Variants in CCDC122 observed in about 807,000 individuals in gnomAD.
CCDC122 encodes coiled-coil domain-containing protein 122.
Under a neutral mutation model 37.0 loss-of-function variants are expected in CCDC122, and 38 were observed. The ratio of observed to expected loss-of-function variants is 1.03; its 90% confidence interval spans 0.79 to 1.35. CCDC122 has a LOEUF of 1.35. Ranked by LOEUF, CCDC122 falls within the 40% of genes most tolerant of loss-of-function variation. The probability of loss-of-function intolerance (pLI) is 0.00; values close to 1 mark genes in which losing one functional copy is unlikely to be tolerated. For synonymous variants in CCDC122, 83 were observed against 95.6 expected (o/e 0.87, Z 0.77); for missense variants, 305 against 310.0 (o/e 0.98, Z 0.12).
At chr13:43,860,695 T>C (rs189637010) in intron 4 of CCDC122, among the ~76,000 whole-genome samples, 1 of 152,300 alleles carries the variant, frequency 6.6e-6, no homozygotes, top group East Asian at 1.9e-4. Flanking sequence ...CCTTCAAATA[T>C]AGGTCTTCTG....
At position 43,866,171 on chromosome 13, in the gene CCDC122, C is replaced by A. The variant is rs1954270887; in HGVS notation, c.156+2523G>T. Among the ~76,000 whole-genome samples, 2 of 152,176 alleles carry A rather than the reference C, an allele frequency of 1.3e-5. 1 individual carries two copies. The highest frequency in any genetic ancestry group is 4.1e-4 in the South Asian group (2 of 4,828). On this transcript the variant is annotated intron_variant, in intron 4 of 6. Transcript: ENST00000444614. ...AGAATGACTTGCAATTTTAAATTTA[C>A]AAATTGTTTATTTCTGTAATCTTCC...
downstream of CCDC122, among the ~76,000 whole-genome samples, chr13:43,820,442 G>C (rs548888848): frequency 6.6e-6 from 1 of 152,240 alleles, no homozygotes; most frequent in Non-Finnish European, 1.5e-5. Context: ...ACAAAAACTT[G>C]GGGTTTTGCC....
intron 1 of CCDC122, among the ~76,000 whole-genome samples, chr13:43,878,933 C>CA (rs1157301990): frequency 6.6e-6 from 1 of 151,982 alleles, no homozygotes. Flanking sequence ...AAATGAACAA[C>CA]AAAAAAACAC....
chr13:43,837,216 C>T lies in CCDC122; in HGVS notation c.*64G>A, dbSNP rs1326598106. ...TGTTATTAAGAATCCAAAAGATTTT[C>T]TTAATGTTCTGTCCAGTAATTTTTG... is the stretch of plus-strand genomic sequence containing the variant. On this transcript the variant is annotated 3_prime_UTR_variant, in exon 7 of 7. Transcript: ENST00000444614. 3.4e-6 allele frequency: 5 copies of T among 1,473,028 alleles called. No homozygotes were observed. In the African/African-American group the frequency reaches 4.3e-5, roughly 13 times the overall value. 91.2% of individuals were successfully genotyped at this position (1,473,028 alleles called of 1,614,324 possible). A position where few individuals can be genotyped will look rare whatever the true frequency, so the allele number is the denominator to read the frequency against.
downstream of CCDC122, among the ~76,000 whole-genome samples, chr13:43,833,265 G>A (rs1268410994): frequency 6.6e-6 from 1 of 152,034 alleles, no homozygotes; most frequent in African/African-American, 2.4e-5. Context: ...CCTTGCATTT[G>A]TTACCTTTTA....
chr13:43,831,048 C>G (rs1953084499), intron 3 of CCDC122, among the ~76,000 whole-genome samples: 1 of 152,108 alleles, frequency 6.6e-6, no homozygotes, highest in South Asian at 2.1e-4. Flanking sequence ...AAGGATGGAT[C>G]TTTTTCTGAA....
intron 5 of CCDC122, 137 bp from the exon 6 acceptor site, chr13:43,859,034 T>C (rs1306066371): frequency 3.4e-6 from 2 of 594,316 alleles, no homozygotes; most frequent in African/African-American, 4.0e-5. Flanking sequence ...AGAATATTAC[T>C]TCTATACGTA....
At chr13:43,875,755 C>A (rs150595224) in intron 1 of CCDC122, among the ~76,000 whole-genome samples, 2 of 152,288 alleles carry the variant, frequency 1.3e-5, no homozygotes, top group East Asian at 3.9e-4. Flanking sequence ...CAAAAAGAAG[C>A]CATAGAATGC....
intron 3 of CCDC122, among the ~76,000 whole-genome samples, chr13:43,830,759 A>T (rs1478997479): frequency 6.6e-6 from 1 of 152,208 alleles, no homozygotes; most frequent in East Asian, 1.9e-4. Context: ...GATTATTTTC[A>T]ATGACTAAGA....
chr13:43,835,535 T>C (rs565850784), downstream of CCDC122, among the ~76,000 whole-genome samples: 3 of 152,310 alleles, frequency 2.0e-5, no homozygotes, highest in East Asian at 1.9e-4. Flanking sequence ...AAAATAGGTA[T>C]ATGTATTAAG....
rs746530568 is a variant in CCDC122 at position 43,868,703 on chromosome 13, G to C, written c.147C>G (p.Phe49Leu). ...SEIEKNKKVL[F>L]NLKNELHELE... ...TATATAAAGAAGTTACCTTCAAATT[G>C]AACAGAACCTTTTTGTTTTTTTCTA... The change falls in exon 4 of 7, where the codon TTC becomes TTG. Residue 49 changes from phenylalanine to leucine, a missense_variant. Physicochemically the swap from Phe to Leu is conservative, Grantham distance 22. Coordinates refer to ENST00000444614, the MANE Select transcript of CCDC122 (RefSeq NM_144974.5). The C allele has an allele frequency of 6.5e-7, 1 of 1,543,088 alleles. No homozygotes were observed. Among genetic ancestry groups the C allele is most frequent in the Non-Finnish European group, 8.8e-7 (1 of 1,142,538 alleles).
At position 43,837,443 on chromosome 13, in the gene CCDC122, A is replaced by C. The variant is rs369528771; in HGVS notation, c.673-14T>G. ...CTTATGTTGTACCTATCAAAAGAAG[A>C]GCACACATCAACAGGGCTTGTGAAG... On this transcript the variant is annotated splice_polypyrimidine_tract_variant and intron_variant, in intron 6 of 6. Coordinates refer to ENST00000444614, the MANE Select transcript of CCDC122 (RefSeq NM_144974.5). 1.7e-5 allele frequency: 27 copies of C among 1,606,820 alleles called. No homozygotes were observed. The highest frequency in any genetic ancestry group is 2.0e-5 in the Non-Finnish European group (24 of 1,177,546).
At position 43,837,052 on chromosome 13, in the gene CCDC122, T is replaced by C. The variant is rs1235101509; in HGVS notation, c.*228A>G. ...TAGTCACAGAGACTCTTGCATTATT[T>C]TCCCGTAGACATTCCTATTGTCTGT... On this transcript the variant is annotated 3_prime_UTR_variant, in exon 7 of 7. Transcript: ENST00000444614. 2 of 454,410 alleles carry C rather than the reference T, an allele frequency of 4.4e-6. No individual in the cohort carries two copies. Among genetic ancestry groups the C allele is most frequent in the Non-Finnish European group, 7.8e-6 (2 of 257,198 alleles). The allele number at this position is 454,410 out of a possible 1,614,324, so 28.1% of individuals were successfully genotyped here. A position where few individuals can be genotyped will look rare whatever the true frequency, so the allele number is the denominator to read the frequency against.
chr13:43,835,073 A>G (rs1253048599), downstream of CCDC122, among the ~76,000 whole-genome samples: 9 of 152,012 alleles, frequency 5.9e-5, no homozygotes, highest in African/African-American at 1.9e-4. Flanking sequence ...ATGTCCAACA[A>G]TGATAGACTG....
chr13:43,879,254 G>C (rs1954785986), intron 1 of CCDC122: 1 of 152,630 alleles, frequency 6.6e-6, no homozygotes, highest in Admixed American at 6.5e-5. Flanking sequence ...TTCTAACCGG[G>C]CCCCTAGTTC....
chr13:43,843,762 A>G (rs538434818), intron 6 of CCDC122, among the ~76,000 whole-genome samples: 310 of 152,030 alleles, frequency 2.0e-3, no homozygotes, highest in Middle Eastern at 0.01. Flanking sequence ...ACCATTCATA[A>G]AGCTTAATTT....
chr13:43,837,291 T>C lies in CCDC122; in HGVS notation c.811A>G (p.Met271Val). ...GCCCTATGGCAATGTTACTCTTGCA[T>C]TCCAATGCATTTTCTTAATTCGGCT... Reference protein sequence around the residue: ...TAAELRKCIGMQE With the variant: ...TAAELRKCIGVQE The change falls in exon 7 of 7, where the codon ATG (methionine) becomes GTG (valine). Residue 271 changes from methionine (M) to valine (V), a missense_variant. Met to Val is a conservative substitution (Grantham distance 21). Transcript: ENST00000444614. 6.2e-7 allele frequency: 1 copy of C among 1,613,852 alleles called. No homozygotes were observed. The highest frequency in any genetic ancestry group is 8.5e-7 in the Non-Finnish European group (1 of 1,179,936).
At chr13:43,840,912 C>G (rs1416744676) in intron 6 of CCDC122, among the ~76,000 whole-genome samples, 1 of 152,114 alleles carries the variant, frequency 6.6e-6, no homozygotes, top group Non-Finnish European at 1.5e-5. Context: ...AATGGGATGG[C>G]TGGGTCAAAT....
At chr13:43,864,552 C>T (rs565820965) in intron 4 of CCDC122, among the ~76,000 whole-genome samples, 8 of 152,116 alleles carry the variant, frequency 5.3e-5, no homozygotes, top group South Asian at 4.2e-4. Flanking sequence ...AGCCGGGAGG[C>T]GCCAGGCTCT....
Sources: allele counts gnomAD v4.1 joint callset (sites outside exome capture counted in the v4.1 genomes callset), GRCh38; gene constraint gnomAD v4.1.1; transcripts MANE v1.5; gene names NCBI Gene and HGNC (gene_info 2026-07-23, HGNC 2026-07-21).